DPYS: variants seen among roughly 807,000 people sequenced by gnomAD.
DPYS encodes dihydropyrimidine amidohydrolase.
DPYS carries 39 observed loss-of-function variants against 50.3 expected under a neutral mutation model. The ratio of observed to expected loss-of-function variants is 0.78; its 90% CI spans 0.60 to 1.01. The LOEUF is 1.01. Among genes scored for constraint, DPYS ranks in the 50% least tolerant of loss-of-function variants. The pLI, the probability that DPYS is intolerant of heterozygous loss-of-function variation, is 0.00. For synonymous variants in DPYS, 245 were observed against 250.7 expected, an observed-to-expected ratio of 0.98 and a Z score of 0.22; for missense variants, 659 against 680.9, an observed-to-expected ratio of 0.97 and a Z score of 0.36.
Position 104,427,869 on chromosome 8 carries a change from A to G in DPYS, c.1092+111T>C, listed in dbSNP as rs890234157. On this transcript the variant is annotated intron_variant, in intron 6 of 9. Coordinates refer to ENST00000351513, the MANE Select transcript of DPYS (RefSeq NM_001385.3). ...TTGCATTCCTAGTATCCTCCCTAGT[A>G]AAAACAATCAAAAAGCTTCTCTATG... is the stretch of plus-strand genomic sequence containing the variant. The G allele has an allele frequency of 2.7e-5, 42 of 1,532,206 alleles. No homozygotes were observed. The African/African-American group carries it at 4.9e-4, about 18-fold the overall frequency. The allele number at this position is 1,532,206 out of a possible 1,614,324, so 94.9% of individuals were successfully genotyped here. A position where few individuals can be genotyped will look rare whatever the true frequency, so the allele number is the denominator to read the frequency against.
intron 8 of DPYS, among the ~76,000 whole-genome samples, chr8:104,381,877 CACACACATACACACA>C (rs1174577509): frequency 8.0e-6 from 1 of 125,260 alleles, no homozygotes; most frequent in Non-Finnish European, 1.7e-5. Context: ...CACACACACA[CACACACATACACACA>C]GACAAATAAC....
intron 7 of DPYS, among the ~76,000 whole-genome samples, chr8:104,422,855 C>T (rs1817496388): frequency 6.6e-6 from 1 of 152,126 alleles, no homozygotes; most frequent in South Asian, 2.1e-4. Flanking sequence ...TACAGCAGCC[C>T]GCTGTAGAGT....
chr8:104,451,175 C>G (rs1588456768), intron 2 of DPYS, 71 bp downstream of exon 2: 1 of 1,595,798 alleles, frequency 6.3e-7, no homozygotes, highest in African/African-American at 1.3e-5. Flanking sequence ...ATCAATGTCA[C>G]CAGTTTCTTG....
intron 8 of DPYS, among the ~76,000 whole-genome samples, chr8:104,389,474 C>A (rs1451294382): frequency 6.6e-6 from 1 of 152,096 alleles, no homozygotes; most frequent in Non-Finnish European, 1.5e-5. Flanking sequence ...ATCTTTTCCA[C>A]ACCAACATTT....
At chr8:104,429,248 T>A in intron 5 of DPYS, 1 of 380,678 alleles carries the variant, frequency 2.6e-6, no homozygotes, top group East Asian at 5.2e-5. Flanking sequence ...TGATAAAAAG[T>A]AAGGTGTAAT....
At chr8:104,434,553 A>G (rs1241485928) in intron 4 of DPYS, among the ~76,000 whole-genome samples, 1 of 152,202 alleles carries the variant, frequency 6.6e-6, no homozygotes, top group Non-Finnish European at 1.5e-5. Context: ...TTTTTATTTT[A>G]CAAAGATATG....
Position 104,424,408 on chromosome 8 carries a change from A to T in DPYS, c.1093-19T>A, listed in dbSNP as rs772200986. On this transcript the variant is annotated intron_variant, in intron 6 of 9. Transcript: ENST00000351513. ...CACTATGCTGTAAAGCAATTCAAAG[A>T]ATCATTCTAATGATCAAATACTAAA... 8 of 1,612,278 alleles carry T rather than the reference A, an allele frequency of 5.0e-6. No homozygotes were observed. The East Asian group carries it at 1.8e-4, about 36-fold the overall frequency.
chr8:104,393,024 A>T, intron 7 of DPYS, 33 bp from the exon 8 acceptor site: 1 of 1,587,092 alleles, frequency 6.3e-7, no homozygotes, highest in Non-Finnish European at 8.7e-7. Flanking sequence ...AAAGTTCTGG[A>T]TCATCACCAG....
At chr8:104,385,883 T>G (rs1811198284) in intron 8 of DPYS, among the ~76,000 whole-genome samples, 1 of 152,224 alleles carries the variant, frequency 6.6e-6, no homozygotes. Context: ...GTTCTTGGAC[T>G]TCATAGCATC....
chr8:104,440,099 T>C (rs1813294378), intron 4 of DPYS, among the ~76,000 whole-genome samples: 1 of 152,134 alleles, frequency 6.6e-6, no homozygotes, highest in African/African-American at 2.4e-5. Flanking sequence ...AAAAATATAG[T>C]AAAACCTGAA....
At chr8:104,380,028 T>A (rs1012529731) in intron 9 of DPYS, among the ~76,000 whole-genome samples, 185 bp from the exon 10 acceptor site, 1 of 152,200 alleles carries the variant, frequency 6.6e-6, no homozygotes, top group African/African-American at 2.4e-5. Flanking sequence ...TCCCTGAATT[T>A]TTAACAAAAT....
At chr8:104,466,097 G>C (rs1814378610) in intron 1 of DPYS, among the ~76,000 whole-genome samples, 1 of 152,232 alleles carries the variant, frequency 6.6e-6, no homozygotes, top group South Asian at 2.1e-4. Flanking sequence ...GGACGGGAAC[G>C]TGAACACGGT....
intron 1 of DPYS, among the ~76,000 whole-genome samples, chr8:104,460,037 T>C (rs1222995067): frequency 6.6e-6 from 1 of 152,184 alleles, no homozygotes; most frequent in Admixed American, 6.5e-5. Context: ...TATATATGTA[T>C]GTGAATTTTT....
intron 1 of DPYS, among the ~76,000 whole-genome samples, chr8:104,451,716 A>AT (rs1813749742): frequency 1.3e-5 from 2 of 152,220 alleles, no homozygotes; most frequent in South Asian, 4.1e-4. Context: ...AGTGGAAAAA[A>AT]TGCACATATT....
intron 8 of DPYS, among the ~76,000 whole-genome samples, chr8:104,385,404 T>C (rs1401750608): frequency 4.6e-5 from 7 of 152,210 alleles, no homozygotes; most frequent in African/African-American, 1.2e-4. Flanking sequence ...GACAACTTTC[T>C]CAAGGAATAC....
intron 5 of DPYS, 44 bp from the exon 6 acceptor site, chr8:104,428,165 A>C (rs1812802498): frequency 1.2e-6 from 2 of 1,612,864 alleles, no homozygotes; most frequent in African/African-American, 1.3e-5. Context: ...AGTATACAGA[A>C]TATGTTAGGA....
At chr8:104,414,909 T>C (rs774203202) in intron 7 of DPYS, among the ~76,000 whole-genome samples, 5 of 152,212 alleles carry the variant, frequency 3.3e-5, no homozygotes, top group Non-Finnish European at 7.3e-5. Context: ...CTGGTGACAC[T>C]AACTAGCCAC....
intron 4 of DPYS, among the ~76,000 whole-genome samples, chr8:104,442,994 T>G (rs1813406696): frequency 2.0e-5 from 3 of 152,268 alleles, no homozygotes; most frequent in Non-Finnish European, 4.4e-5. Context: ...AGTTAGAGAC[T>G]TCAGTGAGCC....
At chr8:104,421,951 C>G (rs1227818126) in intron 7 of DPYS, among the ~76,000 whole-genome samples, 4 of 152,122 alleles carry the variant, frequency 2.6e-5, no homozygotes, top group African/African-American at 9.7e-5. Context: ...ATAATCACAG[C>G]CTATAAATAT....
Sources: allele counts gnomAD v4.1 joint callset (sites outside exome capture counted in the v4.1 genomes callset), GRCh38; gene constraint gnomAD v4.1.1; transcripts MANE v1.5; gene names NCBI Gene and HGNC (gene_info 2026-07-23, HGNC 2026-07-21).